Variants in ARHGEF3 observed in about 807,000 individuals in gnomAD.
The protein encoded by ARHGEF3 is Rho guanine nucleotide exchange factor 3, also known as 59.8 kDA protein.
ARHGEF3 carries 28 observed loss-of-function variants against 63.2 expected under a neutral mutation model. The observed-to-expected ratio is 0.44, with a 90% CI of 0.33 to 0.61. The LOEUF is 0.61. ARHGEF3 is among the 20% of genes least tolerant of loss of function. The probability of loss-of-function intolerance (pLI) is 0.03; values close to 1 mark genes in which losing one functional copy is unlikely to be tolerated. For missense variants in ARHGEF3, 533 were observed against 659.3 expected (o/e 0.81, Z 2.10); for synonymous variants, 266 against 254.2 (o/e 1.05, Z -0.44).
chr3:57,010,912 T>A (rs78734221), intron 2 of ARHGEF3, among the ~76,000 whole-genome samples: 2,408 of 152,210 alleles, frequency 0.016, 77 homozygotes, highest in African/African-American at 0.055. Flanking sequence ...AAAGAAAGAT[T>A]AAAAGCAGCA....
chr3:56,784,094 G>A (rs1368970064), intron 1 of ARHGEF3, among the ~76,000 whole-genome samples: 1 of 152,180 alleles, frequency 6.6e-6, no homozygotes, highest in Non-Finnish European at 1.5e-5. Flanking sequence ...AGAGAAAGAG[G>A]AAGCCAAATA....
At chr3:56,921,044 G>A (rs1440608448) in intron 3 of ARHGEF3, among the ~76,000 whole-genome samples, 3 of 111,332 alleles carry the variant, frequency 2.7e-5, no homozygotes, top group South Asian at 3.5e-4. Flanking sequence ...GACAGAGCGA[G>A]ACTCCATCTC....
intron 1 of ARHGEF3, among the ~76,000 whole-genome samples, chr3:56,788,056 G>A (rs1488773940): frequency 6.6e-6 from 1 of 152,146 alleles, no homozygotes; most frequent in Non-Finnish European, 1.5e-5. Context: ...AGGACAGAAT[G>A]TTCATTTGGC....
Position 56,732,400 on chromosome 3 carries a change from C to A in ARHGEF3, c.1066G>T (p.Glu356Ter). Residue 356 changes from glutamate (E) to a stop codon, truncating the protein, a stop_gained, in exon 9 of 10, where the codon GAA (glutamate) becomes TAA (stop). Coordinates refer to ENST00000296315, the MANE Select transcript of ARHGEF3 (RefSeq NM_019555.3). LOFTEE classifies it high-confidence loss of function. ...GVKLHVFLFQ[E>*]VLVITRAVTH... The stretch of plus-strand genomic sequence containing the variant: ...ACGGCTCGAGTGATCACAAGCACTT[C>A]TTGGAACAGGAAAACATGCAGTTTC... 1 of 1,614,106 alleles carries A rather than the reference C, an allele frequency of 6.2e-7. No individual in the cohort carries two copies. The highest frequency in any genetic ancestry group is 2.2e-5 in the East Asian group (1 of 44,878).
At chr3:56,752,466 A>T (rs766944143) in intron 4 of ARHGEF3, among the ~76,000 whole-genome samples, 2 of 152,384 alleles carry the variant, frequency 1.3e-5, no homozygotes, top group African/African-American at 2.4e-5. Context: ...GGAGTGGCCA[A>T]GGGAAGTTTT....
At chr3:57,020,637 T>C (rs1170715615) in intron 2 of ARHGEF3, among the ~76,000 whole-genome samples, 1 of 152,118 alleles carries the variant, frequency 6.6e-6, no homozygotes, top group East Asian at 1.9e-4. Flanking sequence ...CTGGAGTTGG[T>C]GGTATCACAG....
chr3:56,969,378 T>TCCCAAACAAA, intron 2 of ARHGEF3, among the ~76,000 whole-genome samples: 6 of 113,878 alleles, frequency 5.3e-5, no homozygotes, highest in East Asian at 3.4e-4. Flanking sequence ...GTGTTCTTTT[T>TCCCAAACAAA]TTCTTATTGA....
chr3:56,742,940 T>A (rs1384271930), intron 7 of ARHGEF3, among the ~76,000 whole-genome samples: 1 of 152,236 alleles, frequency 6.6e-6, no homozygotes, highest in African/African-American at 2.4e-5. Flanking sequence ...CAGAACAGTA[T>A]TCTTTCATGC....
chr3:57,044,761 T>A (rs1399605897), intron 1 of ARHGEF3, among the ~76,000 whole-genome samples: 2 of 152,092 alleles, frequency 1.3e-5, no homozygotes, highest in African/African-American at 4.8e-5. Context: ...GAAAATCAGA[T>A]CCCAGATCCC....
chr3:56,941,145 C>G (rs1340148762), intron 3 of ARHGEF3: 2 of 152,676 alleles, frequency 1.3e-5, no homozygotes, highest in African/African-American at 4.8e-5. Context: ...GCAGAGCACA[C>G]CACAGCATGT....
chr3:56,902,281 CA>C (rs1402802425), intron 3 of ARHGEF3, among the ~76,000 whole-genome samples: 4 of 152,188 alleles, frequency 2.6e-5, no homozygotes, highest in Admixed American at 6.5e-5. Context: ...AGAGAGTAAG[CA>C]AACTTACAAA....
chr3:56,749,161 C>T (rs982054138), intron 6 of ARHGEF3, among the ~76,000 whole-genome samples: 1 of 152,154 alleles, frequency 6.6e-6, no homozygotes, highest in African/African-American at 2.4e-5. Context: ...CGAAGTCTGG[C>T]AACAACGGGC....
chr3:56,865,942 T>A (rs2040235729), intron 4 of ARHGEF3, among the ~76,000 whole-genome samples: 1 of 151,908 alleles, frequency 6.6e-6, no homozygotes, highest in Non-Finnish European at 1.5e-5. Flanking sequence ...CAAAATGCAA[T>A]CACCTCTGTT....
intron 4 of ARHGEF3, among the ~76,000 whole-genome samples, chr3:56,809,791 G>A (rs916038984): frequency 1.3e-5 from 2 of 151,416 alleles, no homozygotes; most frequent in Non-Finnish European, 2.9e-5. Flanking sequence ...GGAGTGCAGT[G>A]GTGCAATCTC....
chr3:57,040,501 A>AGAAAAGAAAAG (rs1704140059), intron 1 of ARHGEF3, among the ~76,000 whole-genome samples: 7 of 134,698 alleles, frequency 5.2e-5, no homozygotes, highest in African/African-American at 1.6e-4. Flanking sequence ...AAAGAAAAGA[A>AGAAAAGAAAAG]AATACCAAAA....
intron 3 of ARHGEF3, among the ~76,000 whole-genome samples, chr3:56,943,437 C>T (rs573472714): frequency 2.6e-5 from 4 of 152,068 alleles, no homozygotes; most frequent in Admixed American, 6.6e-5. Flanking sequence ...TGAGACTTAC[C>T]GCTCAGAAAA....
intron 8 of ARHGEF3, among the ~76,000 whole-genome samples, chr3:56,732,782 G>C (rs533973970): frequency 3.2e-4 from 48 of 152,138 alleles, no homozygotes; most frequent in African/African-American, 1.1e-3. Flanking sequence ...AAGGGAAATA[G>C]AATCAAGAAG....
Position 56,801,807 on chromosome 3 carries a change from C to T in ARHGEF3, c.-9G>A, listed in dbSNP as rs923731877. 10 of 1,556,188 alleles carry T rather than the reference C, an allele frequency of 6.4e-6. No individual in the cohort carries two copies. Among genetic ancestry groups the T allele is most frequent in the Non-Finnish European group, 8.7e-6 (10 of 1,149,016 alleles). The stretch of plus-strand genomic sequence containing the variant: ...TAATCCTTGGCCACCATGGCGGCTG[C>T]CGGGCCTGCCCTTTGGGATGTCACC... On this transcript the variant is annotated 5_prime_UTR_variant, in exon 1 of 10. Transcript: ENST00000296315.
intron 3 of ARHGEF3, among the ~76,000 whole-genome samples, chr3:56,911,508 T>C (rs1424372256): frequency 1.3e-5 from 2 of 152,086 alleles, no homozygotes; most frequent in Non-Finnish European, 2.9e-5. Flanking sequence ...CACCCATTGT[T>C]TCTGTCCCGG....
Sources: gnomAD v4.1 joint callset for allele counts (sites outside exome capture counted in the v4.1 genomes callset) on GRCh38, gnomAD v4.1.1 for gene constraint, MANE v1.5 for transcripts, NCBI Gene and HGNC (gene_info 2026-07-23, HGNC 2026-07-21) for gene names.